The following DNAH9 variants were observed in gnomAD, a reference collection of about 807,000 sequenced individuals.
The protein encoded by DNAH9 is DNAH9 variant protein.
A neutral mutation model predicts 471.6 loss-of-function variants in DNAH9; 345 were observed. The ratio of observed to expected loss-of-function variants is 0.73; its 90% confidence interval spans 0.67 to 0.80. DNAH9 has a LOEUF of 0.80. DNAH9 is among the 30% of genes least tolerant of loss of function. DNAH9 has a pLI of 0.00. For synonymous variants in DNAH9, 2,093 were observed against 2,123.6 expected (o/e 0.99, Z 0.40); for missense variants, 5,407 against 5,609.2 (o/e 0.96, Z 1.15).
At chr17:11,888,855 A>G (rs1312130274) in intron 57 of DNAH9, among the ~76,000 whole-genome samples, 1 of 152,198 alleles carries the variant, frequency 6.6e-6, no homozygotes, top group Non-Finnish European at 1.5e-5. Flanking sequence ...GAGAAAGAAG[A>G]GGCATTCTCA....
intron 34 of DNAH9, 54 bp downstream of exon 34, chr17:11,756,730 C>T (rs1423684081): frequency 8.8e-7 from 1 of 1,132,240 alleles, no homozygotes; most frequent in Non-Finnish European, 1.3e-6. Flanking sequence ...GGAGGTACCT[C>T]TGGCTTCACA....
chr17:11,871,894 C>T, intron 52 of DNAH9, 108 bp downstream of exon 52: 2 of 1,195,462 alleles, frequency 1.7e-6, no homozygotes, highest in Non-Finnish European at 2.4e-6. Context: ...CACTCATCCC[C>T]ACCACCCCCT....
In DNAH9 at chr17:11,643,703, T is replaced by C. The variant is rs141144035; in HGVS notation, c.1902-928T>C. Among the ~76,000 whole-genome samples the C allele has an allele frequency of 5.8e-4, 89 of 152,180 alleles. 1 individual carries two copies. The East Asian group carries it at 0.015, about 26-fold the overall frequency. ...TGATCAACACGCTCTATGATCAATA[T>C]GCTCTATGATCAATACGTTCTATGA... On this transcript the variant is annotated intron_variant, in intron 10 of 68. Transcript: ENST00000262442.
intron 68 of DNAH9, among the ~76,000 whole-genome samples, chr17:11,969,030 A>G (rs78450369): frequency 0.011 from 1,642 of 152,356 alleles, 32 homozygotes; most frequent in African/African-American, 0.038. Flanking sequence ...ACAAACTAGG[A>G]GAGAATCAAG....
intron 38 of DNAH9, 100 bp from the exon 39 acceptor site, chr17:11,780,909 A>G (rs1409717709): frequency 1.5e-6 from 2 of 1,303,032 alleles, no homozygotes; most frequent in African/African-American, 1.5e-5. Flanking sequence ...TTTTGCACAC[A>G]TGAAGGCAGC....
intron 50 of DNAH9, among the ~76,000 whole-genome samples, chr17:11,861,312 A>T (rs2150977400): frequency 6.6e-6 from 1 of 151,910 alleles, no homozygotes; most frequent in Non-Finnish European, 1.5e-5. Flanking sequence ...ACTGAGAATG[A>T]TGATTTCCAA....
At chr17:11,916,687 A>C (rs975063685) in intron 61 of DNAH9, among the ~76,000 whole-genome samples, 1 of 152,236 alleles carries the variant, frequency 6.6e-6, no homozygotes, top group Admixed American at 6.5e-5. Flanking sequence ...ACTCTTAAAA[A>C]GCTTGGAATC....
chr17:11,684,725 G>C (rs2074206831), intron 19 of DNAH9, among the ~76,000 whole-genome samples: 1 of 152,216 alleles, frequency 6.6e-6, no homozygotes, highest in Admixed American at 6.5e-5. Context: ...GAATGGCTGG[G>C]AGGGCTTTCT....
intron 45 of DNAH9, 71 bp from the exon 46 acceptor site, chr17:11,821,849 A>G: frequency 6.5e-7 from 1 of 1,534,116 alleles, no homozygotes. Context: ...AAGGTAGGAT[A>G]ACTTCCCATG....
At chr17:11,764,281 C>G (rs1967840074) in intron 36 of DNAH9, among the ~76,000 whole-genome samples, 1 of 152,044 alleles carries the variant, frequency 6.6e-6, no homozygotes, top group Non-Finnish European at 1.5e-5. Context: ...TTATTTTTCT[C>G]CAAATAAAAG....
intron 49 of DNAH9, among the ~76,000 whole-genome samples, chr17:11,841,217 T>C (rs138238336): frequency 5.3e-5 from 8 of 152,144 alleles, no homozygotes; most frequent in African/African-American, 1.9e-4. Context: ...AAGAAAATGA[T>C]CAAGGCAAGT....
chr17:11,869,343 G>T, intron 51 of DNAH9, 90 bp downstream of exon 51: 1 of 1,507,554 alleles, frequency 6.6e-7, no homozygotes, highest in Non-Finnish European at 8.9e-7. Context: ...GCACAGCACA[G>T]CAGCGCTTTG....
At chr17:11,757,496 TA>T in intron 34 of DNAH9, 48 bp from the exon 35 acceptor site, 1 of 1,502,228 alleles carries the variant, frequency 6.7e-7, no homozygotes, top group Non-Finnish European at 9.1e-7. Context: ...GTGAAAAATA[TA>T]ATGATGTATA....
intron 17 of DNAH9, among the ~76,000 whole-genome samples, chr17:11,673,601 G>GTTT (rs59481227): frequency 0.01 from 1,353 of 130,978 alleles, 8 homozygotes; most frequent in Non-Finnish European, 0.011. Context: ...GTTTATATTT[G>GTTT]TTTTTTTTTT....
Position 11,942,196 on chromosome 17 carries a change from C to T in DNAH9, c.12661-107C>T, listed in dbSNP as rs1597855792. 4.2e-6 allele frequency: 6 copies of T among 1,441,170 alleles called. No homozygotes were observed. In the East Asian group the frequency reaches 1.4e-4, roughly 33 times the overall value. The allele number at this position is 1,441,170 out of a possible 1,614,324, so 89.3% of individuals were successfully genotyped here. ...TTGGCCATGTCAGTGGGTGGAGGGGCAGCAGACGATGGGTGATTGGCATCT... is the reference window on the plus strand; with the variant it reads ...TTGGCCATGTCAGTGGGTGGAGGGGTAGCAGACGATGGGTGATTGGCATCT... On this transcript the variant is annotated intron_variant, in intron 66 of 68. Coordinates refer to ENST00000262442, the MANE Select transcript of DNAH9 (RefSeq NM_001372.4).
At chr17:11,815,902 C>G (rs555651602) in intron 45 of DNAH9, among the ~76,000 whole-genome samples, 4 of 152,290 alleles carry the variant, frequency 2.6e-5, no homozygotes, top group Admixed American at 1.3e-4. Flanking sequence ...TCCTTCCTTG[C>G]TAGTCTCACT....
In DNAH9 at chr17:11,747,669, G is replaced by A. The variant is rs1966946605; in HGVS notation, c.6513G>A (p.Met2171Ile). The A allele has an allele frequency of 6.2e-7, 1 of 1,614,168 alleles. No individual in the cohort carries two copies. Among genetic ancestry groups the A allele is most frequent in the Non-Finnish European group, 8.5e-7 (1 of 1,180,036 alleles). ...LRSLHKTYQI[M>I]KRRPVWTDLN... is the part of the protein sequence containing the mutation. ...CCTTGCACAAGACCTATCAGATCAT[G>A]AAACGGCGCCCCGTCTGGACTGACC... Residue 2171 changes from methionine to isoleucine, a missense_variant, in exon 32 of 69, where the codon ATG becomes ATA. Around this residue, in one of 3 missense-constraint regions of DNAH9, gnomAD observed 4,636 missense variants for 4,900.3 expected, o/e 0.95. Coordinates refer to ENST00000262442, the MANE Select transcript of DNAH9 (RefSeq NM_001372.4).
chr17:11,694,540 C>T, intron 22 of DNAH9, 93 bp downstream of exon 22: 3 of 1,389,832 alleles, frequency 2.2e-6, no homozygotes, highest in Non-Finnish European at 3.0e-6. Flanking sequence ...CCTCTTCTCT[C>T]TGGCAGGTTC....
At chr17:11,944,105 G>A (rs1028024561) in intron 67 of DNAH9, among the ~76,000 whole-genome samples, 5 of 152,118 alleles carry the variant, frequency 3.3e-5, no homozygotes, top group Non-Finnish European at 7.3e-5. Flanking sequence ...AGCTTGCCTG[G>A]GCAAAGATGC....
Sources: gnomAD v4.1 joint callset for allele counts (sites outside exome capture counted in the v4.1 genomes callset) on GRCh38, gnomAD v4.1.1 for gene constraint, gnomAD v4.1.1 regional missense constraint, MANE v1.5 for transcripts, NCBI Gene and HGNC (gene_info 2026-07-23, HGNC 2026-07-21) for gene names.